SLC25A26: variants seen among roughly 807,000 people sequenced by gnomAD.
SLC25A26 encodes the protein solute carrier family 25 member 26, also known as mitochondrial S-adenosylmethionine carrier protein.
A neutral mutation model predicts 37.8 loss-of-function variants in SLC25A26; 36 were observed. The ratio of observed to expected loss-of-function variants is 0.95; its 90% CI spans 0.73 to 1.26. The LOEUF (loss-of-function observed/expected upper bound fraction) is 1.26. Among genes scored for constraint, SLC25A26 ranks in the 50% most tolerant of loss-of-function variants. The pLI is 0.00. For missense variants in SLC25A26, 390 were observed against 331.1 expected (o/e 1.18, Z -1.38); for synonymous variants, 129 against 122.5 (o/e 1.05, Z -0.35).
At chr3:66,281,178 T>C (rs1188127816) in intron 5 of SLC25A26, among the ~76,000 whole-genome samples, 1 of 152,162 alleles carries the variant, frequency 6.6e-6, no homozygotes, top group Non-Finnish European at 1.5e-5. Flanking sequence ...GGTTAATTGG[T>C]TTTTTTATAT....
chr3:66,277,598 T>G (rs775011604), intron 5 of SLC25A26, among the ~76,000 whole-genome samples: 6 of 152,134 alleles, frequency 3.9e-5, no homozygotes, highest in Non-Finnish European at 7.4e-5. Flanking sequence ...CATTGCTCAC[T>G]TTAATATATA....
chr3:66,351,988 C>T (rs1405716520), intron 6 of SLC25A26, among the ~76,000 whole-genome samples: 1 of 152,050 alleles, frequency 6.6e-6, no homozygotes, highest in Non-Finnish European at 1.5e-5. Context: ...GTGGCTCATG[C>T]CTGTAATCCC....
intron 1 of SLC25A26, among the ~76,000 whole-genome samples, chr3:66,228,975 A>G (rs2071885535): frequency 6.6e-6 from 1 of 152,174 alleles, no homozygotes; most frequent in African/African-American, 2.4e-5. Context: ...TGCTAGTGAA[A>G]AACTTGAATT....
chr3:66,273,689 C>A (rs554928715), intron 5 of SLC25A26, among the ~76,000 whole-genome samples: 2 of 152,214 alleles, frequency 1.3e-5, no homozygotes, highest in South Asian at 2.1e-4. Flanking sequence ...ATCTAGCTTA[C>A]AAGGGACGTG....
chr3:66,376,721 C>T (rs569134086), intron 9 of SLC25A26, among the ~76,000 whole-genome samples: 194 of 152,292 alleles, frequency 1.3e-3, no homozygotes, highest in Non-Finnish European at 2.5e-3. Flanking sequence ...TGGGACCAAA[C>T]TTGAAATATC....
chr3:66,288,827 G>C (rs2074603949), intron 5 of SLC25A26, among the ~76,000 whole-genome samples: 1 of 151,994 alleles, frequency 6.6e-6, no homozygotes, highest in Non-Finnish European at 1.5e-5. Flanking sequence ...TATATAATCT[G>C]TTGGGTATAT....
chr3:66,356,025 T>C, intron 6 of SLC25A26: 1 of 456,288 alleles, frequency 2.2e-6, no homozygotes, highest in Non-Finnish European at 4.4e-6. Context: ...TATCATCATC[T>C]TGTAGGGTTG....
intron 1 of SLC25A26, among the ~76,000 whole-genome samples, chr3:66,205,289 C>A (rs1365932261): frequency 6.6e-6 from 1 of 152,106 alleles, no homozygotes; most frequent in Non-Finnish European, 1.5e-5. Flanking sequence ...TTTTAAATAA[C>A]AAATAAATGA....
chr3:66,249,883 G>A (rs1678103), intron 3 of SLC25A26, among the ~76,000 whole-genome samples: 16,047 of 152,156 alleles, frequency 0.11, 1,250 homozygotes, highest in East Asian at 0.27. Context: ...AGCTGAAACA[G>A]AACTGTCAGA....
At chr3:66,326,853 C>G (rs1410505268) in intron 5 of SLC25A26, among the ~76,000 whole-genome samples, 1 of 152,208 alleles carries the variant, frequency 6.6e-6, no homozygotes, top group African/African-American at 2.4e-5. Context: ...ACAGTCGAGT[C>G]TGTGGTGCTG....
chr3:66,256,245 A>G (rs1351409110), intron 3 of SLC25A26, among the ~76,000 whole-genome samples: 1 of 151,994 alleles, frequency 6.6e-6, no homozygotes, highest in Admixed American at 6.6e-5. Flanking sequence ...GTTTCGTTGG[A>G]CTTATACCCA....
intron 4 of SLC25A26, among the ~76,000 whole-genome samples, chr3:66,263,116 C>G (rs1017980634): frequency 2.0e-5 from 3 of 152,186 alleles, no homozygotes; most frequent in Non-Finnish European, 4.4e-5. Flanking sequence ...GAGAGCTAAT[C>G]TGAGCTCCCT....
At chr3:66,210,113 C>T (rs1427807907) in intron 1 of SLC25A26, among the ~76,000 whole-genome samples, 3 of 150,426 alleles carry the variant, frequency 2.0e-5, no homozygotes, top group Admixed American at 6.7e-5. Context: ...TCACTTCCTC[C>T]TTCCTCCCTC....
intron 1 of SLC25A26, among the ~76,000 whole-genome samples, chr3:66,163,089 T>A (rs2070381897): frequency 6.6e-6 from 1 of 152,212 alleles, no homozygotes; most frequent in South Asian, 2.1e-4. Flanking sequence ...TATTTCTTTG[T>A]GGTGTCCTCG....
At chr3:66,318,223 T>G (rs192624300) in intron 5 of SLC25A26, among the ~76,000 whole-genome samples, 5 of 152,298 alleles carry the variant, frequency 3.3e-5, no homozygotes, top group Admixed American at 3.3e-4. Flanking sequence ...TATGTCTCAG[T>G]GTCTGCTCGA....
chr3:66,305,954 G>A (rs892547039), intron 5 of SLC25A26, among the ~76,000 whole-genome samples: 8 of 151,800 alleles, frequency 5.3e-5, no homozygotes, highest in South Asian at 2.1e-4. Flanking sequence ...CCTCAACCTC[G>A]CCAGCATCTA....
chr3:66,342,980 G>T (rs1028193204), intron 5 of SLC25A26, among the ~76,000 whole-genome samples: 5 of 152,196 alleles, frequency 3.3e-5, no homozygotes, highest in African/African-American at 1.2e-4. Context: ...TGGGTATGTT[G>T]TGTTTTGGAA....
chr3:66,274,185 C>G (rs1424793037), intron 5 of SLC25A26, among the ~76,000 whole-genome samples: 12 of 151,928 alleles, frequency 7.9e-5, no homozygotes, highest in African/African-American at 2.9e-4. Context: ...GCTGGGAAAA[C>G]TGGCTAGCCA....
intron 1 of SLC25A26, among the ~76,000 whole-genome samples, chr3:66,165,740 C>T (rs1457062515): frequency 1.3e-5 from 2 of 152,138 alleles, no homozygotes; most frequent in African/African-American, 4.8e-5. Context: ...ATTCTTTGTT[C>T]TCTGAAGTAG....
Sources: allele counts gnomAD v4.1 joint callset (sites outside exome capture counted in the v4.1 genomes callset), GRCh38; gene constraint gnomAD v4.1.1; transcripts MANE v1.5; gene names NCBI Gene and HGNC (gene_info 2026-07-23, HGNC 2026-07-21).